Variants in ENOX1 observed in about 807,000 individuals in gnomAD.
ENOX1 encodes ecto-NOX disulfide-thiol exchanger 1.
A neutral mutation model predicts 82.5 loss-of-function variants in ENOX1; 42 were observed. The observed-to-expected ratio is 0.51, with a 90% confidence interval of 0.40 to 0.66. ENOX1 has a LOEUF of 0.66. Ranked by LOEUF, ENOX1 falls within the 30% of genes least tolerant of loss-of-function variation. The probability of loss-of-function intolerance (pLI) is 0.00; values close to 1 mark genes in which losing one functional copy is unlikely to be tolerated. For synonymous variants in ENOX1, 271 were observed against 282.2 expected (o/e 0.96, Z 0.40); for missense variants, 608 against 811.6 (o/e 0.75, Z 3.05).
At chr13:43,267,947 T>A (rs996095525) in intron 13 of ENOX1, among the ~76,000 whole-genome samples, 1 of 152,216 alleles carries the variant, frequency 6.6e-6, no homozygotes, top group Admixed American at 6.5e-5. Flanking sequence ...TTCTTCACGT[T>A]CTCTTTTTTT....
chr13:43,315,454 C>A (rs1211482435), intron 11 of ENOX1, among the ~76,000 whole-genome samples: 1 of 151,644 alleles, frequency 6.6e-6, no homozygotes, highest in African/African-American at 2.4e-5. Context: ...CTGAAGAATT[C>A]TCTCCTGTGT....
intron 1 of ENOX1, among the ~76,000 whole-genome samples, chr13:43,714,300 C>A (rs1349956957): frequency 6.6e-6 from 1 of 152,040 alleles, no homozygotes; most frequent in Non-Finnish European, 1.5e-5. Context: ...AATTTCTGTT[C>A]TTTTACATTT....
At chr13:43,652,952 C>A (rs1035248197) in intron 2 of ENOX1, among the ~76,000 whole-genome samples, 1 of 152,188 alleles carries the variant, frequency 6.6e-6, no homozygotes, top group African/African-American at 2.4e-5. Context: ...GAGAAAAGGT[C>A]ATGGCAAAGT....
At chr13:43,640,012 G>C (rs2083569539) in intron 2 of ENOX1, among the ~76,000 whole-genome samples, 1 of 152,274 alleles carries the variant, frequency 6.6e-6, no homozygotes, top group Middle Eastern at 3.4e-3. Context: ...CTGGGCAACA[G>C]AGCAAGACTC....
intron 3 of ENOX1, among the ~76,000 whole-genome samples, chr13:43,478,054 GTTTTT>G (rs756717438): frequency 1.0e-5 from 1 of 100,450 alleles, no homozygotes; most frequent in Non-Finnish European, 1.9e-5. Context: ...AGCCAGAGAG[GTTTTT>G]TTTTTTTTTT....
Position 43,665,072 on chromosome 13 carries a change from C to G in ENOX1, c.-219+2407G>C, listed in dbSNP as rs547955448. Among the ~76,000 whole-genome samples, 5 of 152,300 alleles carry G rather than the reference C, an allele frequency of 3.3e-5. No individual in the cohort carries two copies. In the East Asian group the frequency reaches 9.7e-4, roughly 29 times the overall value. On this transcript the variant is annotated intron_variant, in intron 2 of 16. Transcript: ENST00000690772. ...TGGGCCTGACCCACACAGTCAATCT[C>G]TAGACACTGGTCTGCCTGCTTACAG...
At chr13:43,498,787 C>T (rs988786664) in intron 2 of ENOX1, among the ~76,000 whole-genome samples, 1 of 152,038 alleles carries the variant, frequency 6.6e-6, no homozygotes, top group African/African-American at 2.4e-5. Context: ...GTATCCCTAA[C>T]ATATTAATTA....
chr13:43,436,600 C>T (rs2056046016), intron 3 of ENOX1, among the ~76,000 whole-genome samples: 1 of 152,064 alleles, frequency 6.6e-6, no homozygotes, highest in Non-Finnish European at 1.5e-5. Context: ...TATATAACAG[C>T]CTTGATATTG....
At chr13:43,237,943 A>G (rs2042630045) in intron 14 of ENOX1, among the ~76,000 whole-genome samples, 1 of 152,236 alleles carries the variant, frequency 6.6e-6, no homozygotes, top group Non-Finnish European at 1.5e-5. Context: ...GCAGTTGGTA[A>G]TATCTGATAA....
intron 2 of ENOX1, among the ~76,000 whole-genome samples, chr13:43,510,665 T>A (rs2153674415): frequency 6.6e-6 from 1 of 152,232 alleles, no homozygotes; most frequent in South Asian, 2.1e-4. Context: ...ATAATGCAGT[T>A]GTTCAAAGTG....
intron 1 of ENOX1, among the ~76,000 whole-genome samples, chr13:43,754,351 TTA>T (rs1202173232): frequency 8.5e-5 from 11 of 128,774 alleles, no homozygotes; most frequent in African/African-American, 3.9e-4. Flanking sequence ...TTATTATTAT[TTA>T]TTTTTTTTTT....
At chr13:43,504,363 G>A (rs1453641988) in intron 2 of ENOX1, among the ~76,000 whole-genome samples, 1 of 151,748 alleles carries the variant, frequency 6.6e-6, no homozygotes, top group African/African-American at 2.4e-5. Context: ...AGAGATTTCT[G>A]CACTATCATG....
rs186396094 is a variant in ENOX1, at chr13:43,694,400, C to A, written c.-284-26856G>T. ...CATCACATCTCTCCAAAGTTCCTCT[C>A]CTGCTGAGTTTATGCTTTCCCACCT... On this transcript the variant is annotated intron_variant, in intron 1 of 16. Coordinates refer to ENST00000690772, the MANE Select transcript of ENOX1 (RefSeq NM_001347969.2). Among the ~76,000 whole-genome samples the A allele has an allele frequency of 1.0e-3, 152 of 152,288 alleles. 1 individual carries two copies. The highest frequency in any genetic ancestry group is 3.4e-3 in the African/African-American group (143 of 41,550).
At chr13:43,304,054 A>C (rs766854559) in intron 11 of ENOX1, among the ~76,000 whole-genome samples, 12 of 151,984 alleles carry the variant, frequency 7.9e-5, no homozygotes, top group Non-Finnish European at 1.6e-4. Flanking sequence ...ATGAGCCCCG[A>C]CTCCATGTTC....
At chr13:43,503,716 T>A (rs1340616707) in intron 2 of ENOX1, among the ~76,000 whole-genome samples, 1 of 151,630 alleles carries the variant, frequency 6.6e-6, no homozygotes. Context: ...CAAAATGGAA[T>A]AAAGACTTAA....
intron 5 of ENOX1, among the ~76,000 whole-genome samples, chr13:43,401,011 C>G (rs2053465014): frequency 6.6e-6 from 1 of 152,168 alleles, no homozygotes; most frequent in South Asian, 2.1e-4. Flanking sequence ...CACCTAAACT[C>G]AGTTCCCTCA....
chr13:43,315,321 C>T (rs1395963226), intron 11 of ENOX1, among the ~76,000 whole-genome samples: 2 of 152,196 alleles, frequency 1.3e-5, no homozygotes, highest in Admixed American at 1.3e-4. Flanking sequence ...TGAGCATCTG[C>T]TAGAATCACA....
chr13:43,438,448 AAGGTAACATTCAAAAATGAATCCC>A (rs2056162483), intron 3 of ENOX1, among the ~76,000 whole-genome samples: 1 of 152,170 alleles, frequency 6.6e-6, no homozygotes, highest in African/African-American at 2.4e-5. Flanking sequence ...AGGGCCCAAG[AAGGTAACATTCAAAAATGAATCCC>A]AGGTTTCCAC....
chr13:43,265,524 A>C, intron 13 of ENOX1, 70 bp from the exon 14 acceptor site: 1 of 1,305,774 alleles, frequency 7.7e-7, no homozygotes, highest in Non-Finnish European at 1.1e-6. Flanking sequence ...TAAGTATATC[A>C]TCTTGTTAAC....
Sources: allele counts gnomAD v4.1 joint callset (sites outside exome capture counted in the v4.1 genomes callset), GRCh38; gene constraint gnomAD v4.1.1; transcripts MANE v1.5; gene names NCBI Gene and HGNC (gene_info 2026-07-23, HGNC 2026-07-21).